QSOX1: variants seen among roughly 807,000 people sequenced by gnomAD.
QSOX1 encodes the protein quiescin sulfhydryl oxidase 1.
QSOX1 carries 40 observed loss-of-function variants against 76.1 expected under a neutral mutation model. The observed-to-expected ratio is 0.53, with a 90% CI of 0.41 to 0.68. The LOEUF is 0.68. QSOX1 is among the 30% of genes least tolerant of loss of function. The pLI is 0.00. For synonymous variants in QSOX1, 392 were observed against 413.1 expected, an observed-to-expected ratio of 0.95 and a Z score of 0.62; for missense variants, 931 against 974.3, an observed-to-expected ratio of 0.96 and a Z score of 0.59.
chr1:180,168,656 A>G (rs1662690873), intron 2 of QSOX1, among the ~76,000 whole-genome samples: 1 of 152,068 alleles, frequency 6.6e-6, no homozygotes, highest in Non-Finnish European at 1.5e-5. Context: ...TTAAACTGTG[A>G]TATTTTCTGT....
Position 180,197,702 on chromosome 1 carries a change from CGAGTTG to C in QSOX1, c.*667_*672del. On this transcript the variant is annotated 3_prime_UTR_variant, in exon 12 of 12. Transcript: ENST00000367602. ...GAGTGGCTTGCTTGGTGGGACCTGA[CGAGTTG>C]GTGGCATGGGAAGGATGTGGGTCTC... 3.1e-6 allele frequency: 1 copy of C among 327,642 alleles called. No homozygotes were observed. The highest frequency in any genetic ancestry group is 3.9e-5 in the South Asian group (1 of 25,740). 20.3% of individuals were successfully genotyped at this position (327,642 alleles called of 1,614,324 possible).
intron 8 of QSOX1, among the ~76,000 whole-genome samples, chr1:180,188,158 G>C (rs1028380720): frequency 6.6e-6 from 1 of 152,182 alleles, no homozygotes; most frequent in African/African-American, 2.4e-5. Context: ...CTCGCATCCA[G>C]CCCATGCCCA....
At chr1:180,168,070 A>G (rs1223485366) in intron 2 of QSOX1, among the ~76,000 whole-genome samples, 1 of 152,214 alleles carries the variant, frequency 6.6e-6, no homozygotes, top group African/African-American at 2.4e-5. Context: ...GGGCAAGACA[A>G]CCGATTGGAG....
chr1:180,186,677 A>C (rs561397855), intron 8 of QSOX1, among the ~76,000 whole-genome samples: 1 of 152,066 alleles, frequency 6.6e-6, no homozygotes, highest in African/African-American at 2.4e-5. Context: ...GAAGGTGGCT[A>C]CTCCACGAAG....
Position 180,198,713 on chromosome 1 carries a change from A to G in QSOX1, c.*1676A>G, listed in dbSNP as rs1357232675. On this transcript the variant is annotated 3_prime_UTR_variant, in exon 12 of 12. Transcript: ENST00000367602. ...CTCTGTGCCCCTGCTCCAGGCACCC[A>G]TTGGCTCCATCCTCCTGGTTGTGCT... 3.3e-6 allele frequency: 1 copy of G among 305,678 alleles called. No homozygotes were observed. The highest frequency in any genetic ancestry group is 2.8e-5 in the South Asian group (1 of 36,074). The allele number at this position is 305,678 out of a possible 1,614,324, so 18.9% of individuals were successfully genotyped here.
chr1:180,182,205 T>C lies in QSOX1; in HGVS notation c.638T>C (p.Val213Ala). 1 of 1,614,164 alleles carries C rather than the reference T, an allele frequency of 6.2e-7. No homozygotes were observed. The highest frequency in any genetic ancestry group is 8.5e-7 in the Non-Finnish European group (1 of 1,180,028). ...CTGGACCTGTCCCAGCACAAAGGCG[T>C]GGCGGTGCGCAGGGTGCTGAACACA... ...VALDLSQHKG[V>A]AVRRVLNTEA... is the part of the protein sequence containing the mutation. The change falls in exon 6 of 12, where the codon GTG becomes GCG. Residue 213 changes from valine to alanine, a missense_variant. Transcript: ENST00000367602.
In QSOX1 at chr1:180,182,231, G is replaced by GA; in HGVS notation, c.665dup (p.Ala223GlyfsTer62). ...GGCGGTGCGCAGGGTGCTGAACACAGAGGCCAATGTGGTGAGAAAGTTTGG... is the reference window on the plus strand; with the variant it reads ...GGCGGTGCGCAGGGTGCTGAACACAGAAGGCCAATGTGGTGAGAAAGTTTGG... On this transcript the variant is annotated frameshift_variant, in exon 6 of 12. Coordinates refer to ENST00000367602, the MANE Select transcript of QSOX1 (RefSeq NM_002826.5). LOFTEE classifies it high-confidence loss of function. 1 of 1,614,248 alleles carries GA rather than the reference G, an allele frequency of 6.2e-7. No individual in the cohort carries two copies. Among genetic ancestry groups the GA allele is most frequent in the African/African-American group, 1.3e-5 (1 of 75,060 alleles).
intron 3 of QSOX1, 78 bp downstream of exon 3, chr1:180,175,444 G>A (rs1214001474): frequency 2.7e-6 from 4 of 1,495,066 alleles, no homozygotes; most frequent in Non-Finnish European, 2.8e-6. Flanking sequence ...CTATTGGGGT[G>A]GAGAAAGCCC....
rs1325231395 is a variant in QSOX1 at position 180,178,806 on chromosome 1, T to C, written c.528T>C (p.Ile176=). 1.2e-6 allele frequency: 2 copies of C among 1,613,788 alleles called. No homozygotes were observed. The highest frequency in any genetic ancestry group is 1.1e-5 in the South Asian group (1 of 91,080). The part of the protein sequence containing the change: ...PPLEPAKLEE[I]DGFFARNNEE... ...TTGTCTCTTGCAGGCTGGAGGAGAT[T>C]GATGGATTCTTTGCGAGAAATAACG... Residue 176 remains isoleucine, a synonymous_variant, in exon 5 of 12, where the codon ATT becomes ATC. Transcript: ENST00000367602.
intron 10 of QSOX1, among the ~76,000 whole-genome samples, chr1:180,192,519 G>A (rs1422377304): frequency 3.9e-5 from 6 of 152,200 alleles, no homozygotes; most frequent in Admixed American, 2.6e-4. Flanking sequence ...TGCCCCTGGA[G>A]GAAGTGGTCA....
chr1:180,183,896 C>T lies in QSOX1; in HGVS notation c.753-20C>T. On this transcript the variant is annotated intron_variant, in intron 6 of 11. Transcript: ENST00000367602. ...TCTCTGCACTTACTGCCTCTCCTCC[C>T]TGGTTCTGTGCCCTCACAGGCTCAT... is the stretch of plus-strand genomic sequence containing the variant. 1 of 1,607,894 alleles carries T rather than the reference C, an allele frequency of 6.2e-7. No individual in the cohort carries two copies. Among genetic ancestry groups the T allele is most frequent in the South Asian group, 1.1e-5 (1 of 90,608 alleles).
chr1:180,196,802 G>A lies in QSOX1; in HGVS notation c.2009G>A (p.Arg670His), dbSNP rs1057493686. The change falls in exon 12 of 12, where the codon CGC becomes CAC. Residue 670 changes from arginine (R) to histidine (H), a missense_variant. Coordinates refer to ENST00000367602, the MANE Select transcript of QSOX1 (RefSeq NM_002826.5). This position sits in a 1 kb window ranked among gnomAD's most constrained non-coding sequence, Gnocchi z 4.1. ...NRLWGPLEVRRVGRSSKQLVD... is the reference protein window; with the variant it reads ...NRLWGPLEVRHVGRSSKQLVD... Reference sequence around the variant, plus strand: ...CTCTGGGGCCCTTTGGAGGTCAGGCGCGTGGGCCGCAGCTCCAAGCAGCTG... The same window carrying A: ...CTCTGGGGCCCTTTGGAGGTCAGGCACGTGGGCCGCAGCTCCAAGCAGCTG... The A allele has an allele frequency of 8.1e-6, 13 of 1,613,332 alleles. No individual in the cohort carries two copies. Among genetic ancestry groups the A allele is most frequent in the African/African-American group, 2.7e-5 (2 of 74,934 alleles).
intron 7 of QSOX1, 73 bp downstream of exon 7, chr1:180,184,123 G>A (rs1001909087): frequency 1.3e-5 from 20 of 1,528,000 alleles, no homozygotes; most frequent in South Asian, 4.7e-5. Flanking sequence ...TCACACCCAC[G>A]CCCTCTTGCT....
At chr1:180,180,860 T>C (rs1263318084) in intron 5 of QSOX1, among the ~76,000 whole-genome samples, 1 of 152,222 alleles carries the variant, frequency 6.6e-6, no homozygotes, top group Non-Finnish European at 1.5e-5. Flanking sequence ...TACTATGTGC[T>C]AGTCACTGTT....
chr1:180,181,509 G>A (rs1663035145), intron 5 of QSOX1, among the ~76,000 whole-genome samples: 1 of 152,168 alleles, frequency 6.6e-6, no homozygotes, highest in Admixed American at 6.5e-5. Flanking sequence ...CTCAGAGTTA[G>A]CCTGCTGTTT....
At position 180,196,464 on chromosome 1, in the gene QSOX1, T is replaced by G; in HGVS notation, c.1671T>G (p.Asn557Lys). ...CAGCTGCCCGGAGGGATGTGCAGAATGTGGCAGCCGCCCCAGAGCTGGCGA... is the reference window on the plus strand; with the variant it reads ...CAGCTGCCCGGAGGGATGTGCAGAAGGTGGCAGCCGCCCCAGAGCTGGCGA... ...AGSAARRDVQ[N>K]VAAAPELAMG... Residue 557 changes from asparagine (N) to lysine (K), a missense_variant, in exon 12 of 12, where the codon AAT becomes AAG. Transcript: ENST00000367602. This position sits in a 1 kb window ranked among gnomAD's most constrained non-coding sequence, Gnocchi z 4.1. The G allele has an allele frequency of 6.2e-6, 10 of 1,613,978 alleles. No individual in the cohort carries two copies. The highest frequency in any genetic ancestry group is 8.5e-6 in the Non-Finnish European group (10 of 1,179,882).
chr1:180,166,964 C>G (rs186135077), intron 2 of QSOX1, among the ~76,000 whole-genome samples: 2 of 152,340 alleles, frequency 1.3e-5, no homozygotes, highest in East Asian at 1.9e-4. Flanking sequence ...AAGAAGGGAC[C>G]TGTCAGGGTA....
chr1:180,169,919 G>A (rs3753803), intron 2 of QSOX1, among the ~76,000 whole-genome samples: 85,792 of 152,156 alleles, frequency 0.56, 27,461 homozygotes, highest in East Asian at 0.76. Context: ...TGTGTAGGAG[G>A]GGACTTCTAC....
chr1:180,182,154 A>G lies in QSOX1; in HGVS notation c.607-20A>G. The G allele has an allele frequency of 6.2e-7, 1 of 1,612,282 alleles. No homozygotes were observed. Among genetic ancestry groups the G allele is most frequent in the South Asian group, 1.1e-5 (1 of 90,942 alleles). On this transcript the variant is annotated intron_variant, in intron 5 of 11. Coordinates refer to ENST00000367602, the MANE Select transcript of QSOX1 (RefSeq NM_002826.5). ...CTCCACCCGGTGGCCTGGCCCCCAG[A>G]TGTTCTGCTGTCCCTGCAGGTGGCT...
Sources: gnomAD v4.1 joint callset for allele counts (sites outside exome capture counted in the v4.1 genomes callset) on GRCh38, gnomAD v4.1.1 for gene constraint, Gnocchi (gnomAD v3.1) non-coding constraint, MANE v1.5 for transcripts, NCBI Gene and HGNC (gene_info 2026-07-23, HGNC 2026-07-21) for gene names.